Variants in LMNB2 observed in about 807,000 individuals in gnomAD.
The protein encoded by LMNB2 is lamin-B2.
A neutral mutation model predicts 69.3 loss-of-function variants in LMNB2; 17 were observed. The ratio of observed to expected loss-of-function variants is 0.25; its 90% CI spans 0.17 to 0.37. The LOEUF (loss-of-function observed/expected upper bound fraction) is 0.37, where lower values mean the gene tolerates loss of function less well. Among genes scored for constraint, LMNB2 ranks in the 10% least tolerant of loss-of-function variants. LMNB2 has a pLI of 1.00. For synonymous variants in LMNB2, 397 were observed against 389.3 expected (o/e 1.02, Z -0.23); for missense variants, 789 against 883.6 (o/e 0.89, Z 1.36).
Position 2,438,192 on chromosome 19 carries a change from G to A in LMNB2, c.655C>T (p.Leu219=). The change falls in exon 4 of 12, where the codon CTG becomes TTG. Residue 219 remains leucine, a synonymous_variant. Coordinates refer to ENST00000325327, the MANE Select transcript of LMNB2 (RefSeq NM_032737.4). Reference sequence around the variant, plus strand: ...TCGAACACACTCTTCCGGAAGTCCAGCTCCTCCTGCAGGCTCTGGCAGCGG... The same window carrying A: ...TCGAACACACTCTTCCGGAAGTCCAACTCCTCCTGCAGGCTCTGGCAGCGG... ...ENRCQSLQEE[L]DFRKSVFEEE... The A allele has an allele frequency of 6.2e-7, 1 of 1,614,028 alleles. No homozygotes were observed. Among genetic ancestry groups the A allele is most frequent in the Non-Finnish European group, 8.5e-7 (1 of 1,180,026 alleles).
At position 2,434,383 on chromosome 19, in the gene LMNB2, C is replaced by A; in HGVS notation, c.1114G>T (p.Ala372Ser). Residue 372 changes from alanine (A) to serine (S), a missense_variant, in exon 7 of 12, where the codon GCC (alanine) becomes TCC (serine). Physicochemically the swap from Ala to Ser is moderately conservative, Grantham distance 99 (BLOSUM62 1). Transcript: ENST00000325327. The stretch of plus-strand genomic sequence containing the variant: ...ACGTCCAGCAGCTCCTGGTACTCGG[C>A]CAGCTGCTGCTGCATCACGTCCCGC... Reference protein sequence around the residue: ...EMRDVMQQQLAEYQELLDVKL... With the variant: ...EMRDVMQQQLSEYQELLDVKL... 6.2e-7 allele frequency: 1 copy of A among 1,613,358 alleles called. No individual in the cohort carries two copies.
chr19:2,447,416 G>A lies in LMNB2; in HGVS notation c.265-2876C>T, dbSNP rs1008255732. ...CGGGTGTGTGGGCAGCGGGGCTGGA[G>A]AAGGGGACGGGGAGTGACCGCTGAG... is the stretch of plus-strand genomic sequence containing the variant. On this transcript the variant is annotated intron_variant, in intron 1 of 11. Transcript: ENST00000325327. The surrounding 1 kb of genome is among the most constrained non-coding windows in gnomAD (Gnocchi z 4.4). Among the ~76,000 whole-genome samples the A allele has an allele frequency of 6.6e-6, 1 of 152,232 alleles. No homozygotes were observed. Among genetic ancestry groups the A allele is most frequent in the African/African-American group, 2.4e-5 (1 of 41,458 alleles).
intron 1 of LMNB2, among the ~76,000 whole-genome samples, chr19:2,449,333 C>T (rs1407495080): frequency 2.0e-5 from 3 of 152,344 alleles, no homozygotes; most frequent in East Asian, 1.9e-4. Flanking sequence ...TTCCACCATC[C>T]GGGAGTGTGG....
intron 4 of LMNB2, 60 bp downstream of exon 4, chr19:2,438,103 C>T: frequency 1.2e-6 from 2 of 1,607,560 alleles, no homozygotes; most frequent in Non-Finnish European, 1.7e-6. Context: ...CCCTCCACAG[C>T]CATGAGGGTG....
Position 2,433,880 on chromosome 19 carries a change from G to C in LMNB2, c.1428C>G (p.Ile476Met). The change falls in exon 8 of 12, where the codon ATC (isoleucine) becomes ATG (methionine). Residue 476 changes from isoleucine to methionine, a missense_variant. This residue lies in a region of LMNB2 where 609 missense variants were observed against 630.9 expected (regional missense o/e 0.97). Coordinates refer to ENST00000325327, the MANE Select transcript of LMNB2 (RefSeq NM_032737.4). ...QQASASGSVS[I>M]EEIDLEGKFV... ...ACTTGCCCTCCAGGTCGATCTCCTC[G>C]ATGCTGACGCTACCCGAGGCCGAGG... The C allele has an allele frequency of 6.2e-7, 1 of 1,613,234 alleles. No individual in the cohort carries two copies. Among genetic ancestry groups the C allele is most frequent in the Non-Finnish European group, 8.5e-7 (1 of 1,179,880 alleles).
At position 2,431,539 on chromosome 19, in the gene LMNB2, G is replaced by A. The variant is rs756963946; in HGVS notation, c.1821+9C>T. 4 of 1,614,042 alleles carry A rather than the reference G, an allele frequency of 2.5e-6. No individual in the cohort carries two copies. The highest frequency in any genetic ancestry group is 1.3e-5 in the African/African-American group (1 of 75,042). ...GCCCCCCAGCCGCAAGTGGGCACAG[G>A]GGTCCTACCTGTTGGTGGAAAAGAT... On this transcript the variant is annotated intron_variant, in intron 11 of 11. Coordinates refer to ENST00000325327, the MANE Select transcript of LMNB2 (RefSeq NM_032737.4).
rs780378623 is a variant in LMNB2 at position 2,430,894 on chromosome 19, G to A, written c.*17C>T. 2 of 1,522,248 alleles carry A rather than the reference G, an allele frequency of 1.3e-6. No homozygotes were observed. The highest frequency in any genetic ancestry group is 2.3e-5 in the East Asian group (1 of 44,428). The allele number at this position is 1,522,248 out of a possible 1,614,324, so 94.3% of individuals were successfully genotyped here. ...TGGCTCTGGGTAAAGAAAGGTGTGT[G>A]GATGAGGAGTGTGGGTTCACATCAC... On this transcript the variant is annotated 3_prime_UTR_variant, in exon 12 of 12. Coordinates refer to ENST00000325327, the MANE Select transcript of LMNB2 (RefSeq NM_032737.4).
chr19:2,455,125 C>T (rs1972072949), intron 1 of LMNB2, among the ~76,000 whole-genome samples: 1 of 152,100 alleles, frequency 6.6e-6, no homozygotes, highest in Non-Finnish European at 1.5e-5. Context: ...CTCCCTCGGC[C>T]CCCTACCCAC....
chr19:2,436,206 C>T (rs945129300), intron 4 of LMNB2, among the ~76,000 whole-genome samples: 7 of 152,102 alleles, frequency 4.6e-5, no homozygotes, highest in African/African-American at 1.7e-4. Context: ...TCGCTTGAAC[C>T]CAGGAGGCGG....
At chr19:2,438,635 C>G (rs1191146290) in intron 2 of LMNB2, 104 bp from the exon 3 acceptor site, 5 of 1,389,048 alleles carry the variant, frequency 3.6e-6, no homozygotes, top group Non-Finnish European at 4.9e-6. Flanking sequence ...GTCACCGAGG[C>G]CTCCGAGCCC....
intron 4 of LMNB2, among the ~76,000 whole-genome samples, chr19:2,436,606 C>T (rs1971825607): frequency 6.7e-6 from 1 of 148,716 alleles, no homozygotes; most frequent in African/African-American, 2.5e-5. Flanking sequence ...GCCGCTCACC[C>T]ACCTGCACTG....
At position 2,456,869 on chromosome 19, in the gene LMNB2, G is replaced by C; in HGVS notation, c.65C>G (p.Ala22Gly). Residue 22 changes from alanine to glycine, a missense_variant, in exon 1 of 12, where the codon GCC becomes GGC. Around this residue, in one of 3 missense-constraint regions of LMNB2, gnomAD observed 145 missense variants for 228.9 expected, o/e 0.63. Coordinates refer to ENST00000325327, the MANE Select transcript of LMNB2 (RefSeq NM_032737.4). ...GCCCGCGCGGCCGGGCAGCGGCGTG[G>C]CCATGGTGGCGGCGGCTCGCGGCCT... is the stretch of plus-strand genomic sequence containing the variant. ...QRRPRAAATM[A>G]TPLPGRAGGP... is the part of the protein sequence containing the mutation. 1 of 1,152,118 alleles carries C rather than the reference G, an allele frequency of 8.7e-7. No individual in the cohort carries two copies. The highest frequency in any genetic ancestry group is 4.4e-5 in the East Asian group (1 of 22,704). 71.4% of individuals were successfully genotyped at this position (1,152,118 alleles called of 1,614,324 possible).
At chr19:2,449,990 G>A (rs1266513523) in intron 1 of LMNB2, among the ~76,000 whole-genome samples, 2 of 151,462 alleles carry the variant, frequency 1.3e-5, no homozygotes, top group East Asian at 1.9e-4. Flanking sequence ...CAGGAGAATC[G>A]CTTGAACCAG....
rs1427302753 is a variant in LMNB2 at position 2,453,979 on chromosome 19, C to T, written c.264+2691G>A. ...GGCTCCAAGAGACACAGGGGCCTGC[C>T]CAAAGCCACACTAATTGAAAAGCAG... On this transcript the variant is annotated intron_variant, in intron 1 of 11. Transcript: ENST00000325327. The surrounding 1 kb of genome is among the most constrained non-coding windows in gnomAD (Gnocchi z 4.4). Among the ~76,000 whole-genome samples the T allele has an allele frequency of 6.6e-6, 1 of 152,122 alleles. No homozygotes were observed. Among genetic ancestry groups the T allele is most frequent in the African/African-American group, 2.4e-5 (1 of 41,434 alleles).
chr19:2,434,370 T>A lies in LMNB2; in HGVS notation c.1127A>T (p.Glu376Val). 1.9e-6 allele frequency: 3 copies of A among 1,613,258 alleles called. No individual in the cohort carries two copies. The highest frequency in any genetic ancestry group is 2.5e-6 in the Non-Finnish European group (3 of 1,179,990). ...VMQQQLAEYQ[E>V]LLDVKLALDM... Reference sequence around the variant, plus strand: ...CAGGGCCAGCTTCACGTCCAGCAGCTCCTGGTACTCGGCCAGCTGCTGCTG... The same window carrying A: ...CAGGGCCAGCTTCACGTCCAGCAGCACCTGGTACTCGGCCAGCTGCTGCTG... Residue 376 changes from glutamate (E) to valine (V), a missense_variant, in exon 7 of 12, where the codon GAG becomes GTG. Transcript: ENST00000325327.
At chr19:2,435,265 A>G in intron 4 of LMNB2, 94 bp from the exon 5 acceptor site, 1 of 1,514,420 alleles carries the variant, frequency 6.6e-7, no homozygotes, top group Non-Finnish European at 8.9e-7. Context: ...AGGAACCTCC[A>G]GGCAATTCCT....
chr19:2,435,054 C>A lies in LMNB2; in HGVS notation c.802G>T (p.Asp268Tyr). ...AGCTTGTAGAGCCGCACTTGCTCGT[C>A]GTGCTGGCTCCGCAGCTCCTCCAGC... The part of the protein sequence containing the change: ...QALEELRSQH[D>Y]EQVRLYKLEL... Residue 268 changes from aspartate (D) to tyrosine (Y), a missense_variant, in exon 5 of 12, where the codon GAC becomes TAC. By Grantham distance (160) the Asp-to-Tyr change is radical (BLOSUM62 -3). Around this residue, in one of 3 missense-constraint regions of LMNB2, gnomAD observed 609 missense variants for 630.9 expected, o/e 0.97. Transcript: ENST00000325327. 6.2e-7 allele frequency: 1 copy of A among 1,610,514 alleles called. No homozygotes were observed. The highest frequency in any genetic ancestry group is 8.5e-7 in the Non-Finnish European group (1 of 1,179,576).
intron 5 of LMNB2, 34 bp downstream of exon 5, chr19:2,434,967 C>A (rs200842084): frequency 6.3e-7 from 1 of 1,585,966 alleles, no homozygotes; most frequent in Non-Finnish European, 8.5e-7. Flanking sequence ...GGGTTCCCAC[C>A]GGCCGCCCCC....
At position 2,434,931 on chromosome 19, in the gene LMNB2, G is replaced by A; in HGVS notation, c.856-18C>T. 6.3e-7 allele frequency: 1 copy of A among 1,595,608 alleles called. No individual in the cohort carries two copies. Among genetic ancestry groups the A allele is most frequent in the Non-Finnish European group, 8.5e-7 (1 of 1,175,378 alleles). On this transcript the variant is annotated intron_variant, in intron 5 of 11. Transcript: ENST00000325327. ...CTGTCCAGCTGTGGGGAGACGGGCG[G>A]GTGAGTGCGGGCGCGGGGCGGGGCG...
Sources: allele counts gnomAD v4.1 joint callset (sites outside exome capture counted in the v4.1 genomes callset), GRCh38; gene constraint gnomAD v4.1.1; regional missense constraint gnomAD v4.1.1; non-coding constraint Gnocchi (gnomAD v3.1); transcripts MANE v1.5; gene names NCBI Gene and HGNC (gene_info 2026-07-23, HGNC 2026-07-21).